MINDY3: variants seen among roughly 807,000 people sequenced by gnomAD.
MINDY3 encodes the protein ubiquitin carboxyl-terminal hydrolase MINDY-3.
In MINDY3, 38 loss-of-function variants were observed where a neutral mutation model predicts 69.2. That is an observed-to-expected ratio of 0.55 (90% CI 0.42 to 0.72). MINDY3 has a LOEUF of 0.72. MINDY3 is among the 30% of genes least tolerant of loss of function. The pLI is 0.00. For missense variants in MINDY3, 522 were observed against 519.0 expected (o/e 1.01, Z -0.06); for synonymous variants, 192 against 180.1 (o/e 1.07, Z -0.53).
rs150684270 is a variant in MINDY3 at position 15,839,361 on chromosome 10, G to A, written c.410-1082C>T. On this transcript the variant is annotated intron_variant, in intron 4 of 14. Coordinates refer to ENST00000277632, the MANE Select transcript of MINDY3 (RefSeq NM_024948.4). ...AGTATTCACTACTGCGAACAACTGTGCATTACCAACAAGCCAAAACTATAC... is the reference window on the plus strand; with the variant it reads ...AGTATTCACTACTGCGAACAACTGTACATTACCAACAAGCCAAAACTATAC... 1.6e-3 allele frequency among the ~76,000 whole-genome samples: 249 copies of A among 151,666 alleles called. 1 individual carries two copies. The highest frequency in any genetic ancestry group is 5.8e-3 in the African/African-American group (240 of 41,488).
chr10:15,846,119 GGC>G (rs1640428393), intron 2 of MINDY3, among the ~76,000 whole-genome samples: 1 of 152,098 alleles, frequency 6.6e-6, no homozygotes, highest in Non-Finnish European at 1.5e-5. Flanking sequence ...CACCACGCCT[GGC>G]CGTGATTCTT....
chr10:15,824,845 G>T (rs552569721), intron 8 of MINDY3, among the ~76,000 whole-genome samples: 1 of 152,226 alleles, frequency 6.6e-6, no homozygotes, highest in African/African-American at 2.4e-5. Flanking sequence ...ATTTAGATTT[G>T]ATCAGTAAAC....
At chr10:15,800,015 T>TCAAA (rs1489886197) in intron 10 of MINDY3, among the ~76,000 whole-genome samples, 1 of 152,130 alleles carries the variant, frequency 6.6e-6, no homozygotes, top group African/African-American at 2.4e-5. Flanking sequence ...CAGTTGATCC[T>TCAAA]CAAACAACAT....
rs1349305762 is a variant in MINDY3 at position 15,778,571 on chromosome 10, T to C, written c.*421A>G. ...AAAAATGAACTCTTCTGCATTTCAT[T>C]GTAGAGGCTGATATATTACAAGCCG... On this transcript the variant is annotated 3_prime_UTR_variant, in exon 15 of 15. Coordinates refer to ENST00000277632, the MANE Select transcript of MINDY3 (RefSeq NM_024948.4). 6.5e-6 allele frequency: 1 copy of C among 153,182 alleles called. No individual in the cohort carries two copies. The highest frequency in any genetic ancestry group is 1.5e-5 in the Non-Finnish European group (1 of 68,768). The allele number at this position is 153,182 out of a possible 1,614,324, so 9.5% of individuals were successfully genotyped here.
rs181156879 is a variant in MINDY3, at chr10:15,810,489, T to A, written c.882+6346A>T. On this transcript the variant is annotated intron_variant, in intron 10 of 14. Coordinates refer to ENST00000277632, the MANE Select transcript of MINDY3 (RefSeq NM_024948.4). ...CAGGTAGGATAGCAAAAGCTAGTTT[T>A]TCTATTTGCCCTCCATGTAAGATAG... is the stretch of plus-strand genomic sequence containing the variant. 1.6e-4 allele frequency among the ~76,000 whole-genome samples: 24 copies of A among 152,310 alleles called. No homozygotes were observed. In the East Asian group the frequency reaches 4.4e-3, roughly 28 times the overall value.
At chr10:15,785,309 G>T (rs557383863) in intron 13 of MINDY3, among the ~76,000 whole-genome samples, 1 of 152,104 alleles carries the variant, frequency 6.6e-6, no homozygotes, top group South Asian at 2.1e-4. Flanking sequence ...TGTTACAGGC[G>T]AAAGAGAAGG....
At chr10:15,821,198 C>T (rs967936925) in intron 9 of MINDY3, among the ~76,000 whole-genome samples, 38 of 152,204 alleles carry the variant, frequency 2.5e-4, no homozygotes, top group African/African-American at 9.1e-4. Flanking sequence ...AAATTTTTTT[C>T]AGTGTGAAAT....
chr10:15,816,793 C>T (rs371814494), intron 10 of MINDY3, 42 bp downstream of exon 10: 91 of 1,306,026 alleles, frequency 7.0e-5, no homozygotes, highest in Non-Finnish European at 9.9e-5. Context: ...TACTTGTTTG[C>T]CTGATGTCAT....
chr10:15,837,630 C>A (rs934178112), intron 5 of MINDY3: 1 of 1,252,084 alleles, frequency 8.0e-7, no homozygotes, highest in Non-Finnish European at 1.0e-6. Context: ...AATAGAGTGG[C>A]CTTCTTGTAA....
chr10:15,845,107 T>G (rs1004205090), intron 2 of MINDY3, among the ~76,000 whole-genome samples: 1 of 152,218 alleles, frequency 6.6e-6, no homozygotes, highest in Non-Finnish European at 1.5e-5. Flanking sequence ...TGATGATACA[T>G]TAAGTTTCTT....
At chr10:15,853,860 T>G (rs963253921) in intron 1 of MINDY3, among the ~76,000 whole-genome samples, 1 of 151,894 alleles carries the variant, frequency 6.6e-6, no homozygotes, top group Non-Finnish European at 1.5e-5. Context: ...TCAAGGAAAA[T>G]AGCCAGTGAT....
chr10:15,859,473 G>A (rs1363454664), intron 1 of MINDY3, among the ~76,000 whole-genome samples: 1 of 152,046 alleles, frequency 6.6e-6, no homozygotes, highest in East Asian at 1.9e-4. Context: ...AGTATAAAGC[G>A]CCCAGCCTGT....
At chr10:15,797,237 T>C (rs1837907499) in intron 10 of MINDY3, among the ~76,000 whole-genome samples, 1 of 152,124 alleles carries the variant, frequency 6.6e-6, no homozygotes, top group African/African-American at 2.4e-5. Context: ...AAAACAGGAA[T>C]GGGAACTAAA....
intron 10 of MINDY3, among the ~76,000 whole-genome samples, chr10:15,803,107 T>C (rs1838382974): frequency 6.6e-5 from 10 of 152,280 alleles, no homozygotes; most frequent in Admixed American, 6.5e-4. Flanking sequence ...CTGTAGAAAA[T>C]GATCTTTTAT....
intron 12 of MINDY3, among the ~76,000 whole-genome samples, chr10:15,787,294 AGGT>A (rs1342442640): frequency 6.6e-6 from 1 of 152,152 alleles, no homozygotes; most frequent in Non-Finnish European, 1.5e-5. Context: ...GGCTGGTGAC[AGGT>A]GGTGTTATGT....
At chr10:15,857,872 A>C (rs2132161353) in intron 1 of MINDY3, 1 of 794,862 alleles carries the variant, frequency 1.3e-6, no homozygotes, top group East Asian at 1.3e-4. Context: ...CTCTAGACAT[A>C]ATTGTATAAA....
At position 15,841,568 on chromosome 10, in the gene MINDY3, G is replaced by A. The variant is rs771937459; in HGVS notation, c.267C>T (p.Thr89=). 2 of 1,609,452 alleles carry A rather than the reference G, an allele frequency of 1.2e-6. No homozygotes were observed. The highest frequency in any genetic ancestry group is 1.3e-5 in the African/African-American group (1 of 74,736). The part of the protein sequence containing the change: ...EEEQKELLCH[T]LCDILESACC... ...AAGCACTTTCTAAAATATCACACAA[G>A]GTATGACAAAGGAGTTCCTTCTGCT... Residue 89 remains threonine, a synonymous_variant, in exon 4 of 15, where the codon ACC becomes ACT. Coordinates refer to ENST00000277632, the MANE Select transcript of MINDY3 (RefSeq NM_024948.4).
intron 8 of MINDY3, among the ~76,000 whole-genome samples, chr10:15,825,824 A>G (rs2132021964): frequency 6.6e-6 from 1 of 152,238 alleles, no homozygotes; most frequent in Middle Eastern, 3.4e-3. Flanking sequence ...TATGCATTTG[A>G]CTGGCTGTAA....
intron 1 of MINDY3, among the ~76,000 whole-genome samples, chr10:15,856,323 T>C (rs1834686977): frequency 6.6e-6 from 1 of 151,950 alleles, no homozygotes; most frequent in South Asian, 2.1e-4. Flanking sequence ...ATATCTTTTT[T>C]TCATATTACG....
Sources: gnomAD v4.1 joint callset for allele counts (sites outside exome capture counted in the v4.1 genomes callset) on GRCh38, gnomAD v4.1.1 for gene constraint, MANE v1.5 for transcripts, NCBI Gene and HGNC (gene_info 2026-07-23, HGNC 2026-07-21) for gene names.